CAST: variants seen among roughly 807,000 people sequenced by gnomAD.
CAST encodes calpastatin.
Under a neutral mutation model 119.6 loss-of-function variants are expected in CAST, and 76 were observed. The observed-to-expected ratio is 0.64, with a 90% confidence interval of 0.53 to 0.77. The LOEUF is 0.77. Among genes scored for constraint, CAST ranks in the 30% least tolerant of loss-of-function variants. The pLI, the probability that CAST is intolerant of heterozygous loss-of-function variation, is 0.00. For synonymous variants in CAST, 319 were observed against 331.6 expected (o/e 0.96, Z 0.41); for missense variants, 953 against 946.5 (o/e 1.01, Z -0.09).
chr5:96,663,161 A>C (rs1237895725), intron 1 of CAST: 13 of 702,656 alleles, frequency 1.9e-5, no homozygotes. Context: ...CTGGTGGTAC[A>C]AGACGGTAAA....
At chr5:96,097,893 A>C in the CAST span, among the ~76,000 whole-genome samples, 1 of 152,096 alleles carries the variant, frequency 6.6e-6, no homozygotes, top group African/African-American at 2.4e-5. Flanking sequence ...TTTAGTCTTT[A>C]AGGAATCACC....
intron 1 of CAST, among the ~76,000 whole-genome samples, chr5:96,637,366 C>T (rs974895063): frequency 3.9e-5 from 6 of 152,166 alleles, no homozygotes; most frequent in African/African-American, 1.4e-4. Context: ...CCCAGAGCAC[C>T]ATATGTAACC....
At chr5:96,376,774 A>G in the CAST span, among the ~76,000 whole-genome samples, 8 of 152,114 alleles carry the variant, frequency 5.3e-5, no homozygotes, top group African/African-American at 1.7e-4. Flanking sequence ...TTTAGAGTGT[A>G]CTTCTACATA....
At chr5:96,710,329 C>A (rs1282334409) in intron 3 of CAST, among the ~76,000 whole-genome samples, 1 of 150,922 alleles carries the variant, frequency 6.6e-6, no homozygotes, top group Non-Finnish European at 1.5e-5. Flanking sequence ...AATGGTGGTC[C>A]TTTCAATGAG....
the CAST span, among the ~76,000 whole-genome samples, chr5:96,154,618 C>T: frequency 6.6e-6 from 1 of 152,194 alleles, no homozygotes; most frequent in Non-Finnish European, 1.5e-5. Context: ...TACCCCATTA[C>T]ATTTAGTTGC....
the CAST span, among the ~76,000 whole-genome samples, chr5:96,501,078 C>T: frequency 6.6e-6 from 1 of 152,146 alleles, no homozygotes; most frequent in African/African-American, 2.4e-5. Flanking sequence ...GGTAGAGTGC[C>T]TGGCTGAGGC....
chr5:96,554,017 C>A (rs1364556525), intron 1 of CAST, among the ~76,000 whole-genome samples: 2 of 152,202 alleles, frequency 1.3e-5, no homozygotes, highest in Non-Finnish European at 2.9e-5. Flanking sequence ...CCCCATCAAG[C>A]TACCACTCAC....
the CAST span, among the ~76,000 whole-genome samples, chr5:96,112,677 T>G: frequency 6.6e-6 from 1 of 152,172 alleles, no homozygotes; most frequent in Admixed American, 6.5e-5. Flanking sequence ...ATTGTTAAGT[T>G]GAAAATATTG....
chr5:96,304,684 G>T, the CAST span, among the ~76,000 whole-genome samples: 1 of 152,040 alleles, frequency 6.6e-6, no homozygotes, highest in African/African-American at 2.4e-5. Flanking sequence ...CCAGTTTTCC[G>T]AAGACCATTC....
chr5:96,739,984 G>A (rs1762356741), intron 11 of CAST, 54 bp from the exon 12 acceptor site: 2 of 809,518 alleles, frequency 2.5e-6, no homozygotes, highest in Admixed American at 2.3e-5. Flanking sequence ...TATGCATATA[G>A]CATTGTCAGG....
At chr5:96,382,395 C>A in the CAST span, among the ~76,000 whole-genome samples, 1 of 152,152 alleles carries the variant, frequency 6.6e-6, no homozygotes, top group East Asian at 1.9e-4. Context: ...ATAAGTGAAA[C>A]CATCCATGTA....
At chr5:96,563,443 T>C (rs1306418773) in intron 1 of CAST, among the ~76,000 whole-genome samples, 1 of 152,180 alleles carries the variant, frequency 6.6e-6, no homozygotes, top group Non-Finnish European at 1.5e-5. Context: ...TGCGTAGTAT[T>C]CCACTATTTC....
chr5:96,440,695 G>A, the CAST span, among the ~76,000 whole-genome samples: 452 of 152,228 alleles, frequency 3.0e-3, 2 homozygotes, highest in Admixed American at 9.2e-3. Flanking sequence ...ACACATGGGG[G>A]AAATGTCAGG....
chr5:96,288,413 T>TA, the CAST span, among the ~76,000 whole-genome samples: 1 of 152,102 alleles, frequency 6.6e-6, no homozygotes. Context: ...GACTACCACT[T>TA]AAAAAAATAT....
At chr5:96,032,223 A>C in the CAST span, among the ~76,000 whole-genome samples, 8 of 152,144 alleles carry the variant, frequency 5.3e-5, no homozygotes, top group Non-Finnish European at 1.0e-4. Context: ...AGCTACCACA[A>C]ATGGGATTGT....
the CAST span, among the ~76,000 whole-genome samples, chr5:96,220,382 G>A: frequency 1.3e-5 from 2 of 152,110 alleles, no homozygotes; most frequent in Admixed American, 1.3e-4. Context: ...AATTAATTGA[G>A]CTATTCAGAA....
At chr5:96,092,648 A>G in the CAST span, among the ~76,000 whole-genome samples, 1 of 152,196 alleles carries the variant, frequency 6.6e-6, no homozygotes, top group Non-Finnish European at 1.5e-5. Flanking sequence ...ACTATAACAT[A>G]CTATCTCATA....
the CAST span, among the ~76,000 whole-genome samples, chr5:96,328,419 C>T: frequency 1.5e-4 from 20 of 137,246 alleles, no homozygotes; most frequent in Admixed American, 1.3e-3. Flanking sequence ...CTCTCTCTCT[C>T]TCTCTCTCTC....
the CAST span, among the ~76,000 whole-genome samples, chr5:96,065,334 G>A: frequency 4.6e-5 from 7 of 151,828 alleles, no homozygotes; most frequent in African/African-American, 1.7e-4. Flanking sequence ...AAAAATTACT[G>A]GGGGAGGTAC....
Sources: gnomAD v4.1 joint callset for allele counts (sites outside exome capture counted in the v4.1 genomes callset) on GRCh38, gnomAD v4.1.1 for gene constraint, MANE v1.5 for transcripts, NCBI Gene and HGNC (gene_info 2026-07-23, HGNC 2026-07-21) for gene names.